The following SLC39A4 variants were observed in gnomAD, a reference collection of about 807,000 sequenced individuals.
SLC39A4 encodes solute carrier family 39 member 4.
A neutral mutation model predicts 56.6 loss-of-function variants in SLC39A4; 49 were observed. The ratio of observed to expected loss-of-function variants is 0.87; its 90% CI spans 0.69 to 1.10. The LOEUF (loss-of-function observed/expected upper bound fraction) is 1.10, where lower values mean the gene tolerates loss of function less well. Ranked by LOEUF, SLC39A4 falls within the 50% of genes least tolerant of loss-of-function variation. The pLI is 0.00. For missense variants in SLC39A4, 993 were observed against 864.2 expected, an observed-to-expected ratio of 1.15 and a Z score of -1.87; for synonymous variants, 540 against 420.4, an observed-to-expected ratio of 1.28 and a Z score of -3.48.
chr8:144,416,776 A>T lies in SLC39A4; in HGVS notation c.14T>A (p.Val5Asp). Residue 5 changes from valine to aspartate, a missense_variant, in exon 1 of 12, where the codon GTC (valine) becomes GAC (aspartate). Transcript: ENST00000301305. MASLVSLELGLLLAV... is the reference protein window; with the variant it reads MASLDSLELGLLLAV... ...CAGAAGCAGCCCCAGCTCCAGCGAG[A>T]CCAGGGACGCCATACTCAGCTCCCA... 6.2e-7 allele frequency: 1 copy of T among 1,612,226 alleles called. No individual in the cohort carries two copies. The highest frequency in any genetic ancestry group is 8.5e-7 in the Non-Finnish European group (1 of 1,179,832).
chr8:144,413,550 C>T lies in SLC39A4; in HGVS notation c.1437G>A (p.Pro479=), dbSNP rs781864988. The change falls in exon 9 of 12, where the codon CCG becomes CCA. Residue 479 remains proline, a synonymous_variant. Coordinates refer to ENST00000301305, the MANE Select transcript of SLC39A4 (RefSeq NM_130849.4). ...SRADLVAEES[P]ELLNPEPRRL... Reference sequence around the variant, plus strand: ...TCCTGGGCTCAGGGTTCAGCAGCTCCGGGCTCTCCTCCGCCACCTGGGAGG... The same window carrying T: ...TCCTGGGCTCAGGGTTCAGCAGCTCTGGGCTCTCCTCCGCCACCTGGGAGG... 9.0e-6 allele frequency: 14 copies of T among 1,554,782 alleles called. No individual in the cohort carries two copies. Among genetic ancestry groups the T allele is most frequent in the Non-Finnish European group, 1.2e-5 (14 of 1,149,242 alleles).
At chr8:144,414,608 G>A (rs1356829272) in intron 5 of SLC39A4, 117 bp downstream of exon 5, 10 of 1,516,162 alleles carry the variant, frequency 6.6e-6, no homozygotes, top group Non-Finnish European at 8.9e-6. Context: ...TGTGTCTGTT[G>A]TTTCTACTTC....
chr8:144,413,023 TACC>T (rs1821957220), intron 10 of SLC39A4, 77 bp from the exon 11 acceptor site: 1 of 1,519,116 alleles, frequency 6.6e-7, no homozygotes, highest in Admixed American at 2.0e-5. Context: ...CCCGCCCTCT[TACC>T]ACCAGGCCCC....
chr8:144,413,126 CA>C (rs1228469752), intron 10 of SLC39A4, 110 bp downstream of exon 10: 1 of 1,499,226 alleles, frequency 6.7e-7, no homozygotes, highest in East Asian at 2.5e-5. Flanking sequence ...TCTCCCCACC[CA>C]GCCAGGTGCG....
At chr8:144,416,410 G>C in intron 1 of SLC39A4, 188 bp downstream of exon 1, 1 of 1,446,032 alleles carries the variant, frequency 6.9e-7, no homozygotes, top group East Asian at 2.5e-5. Context: ...TGTGTCCCTG[G>C]AAAGGCCTGT....
intron 4 of SLC39A4, 27 bp downstream of exon 4, chr8:144,414,947 C>T (rs1308877041): frequency 1.2e-6 from 2 of 1,612,960 alleles, no homozygotes; most frequent in Non-Finnish European, 8.5e-7. Flanking sequence ...CCGGTGAGGC[C>T]CCATCTTACC....
At chr8:144,414,540 C>T in intron 5 of SLC39A4, 106 bp from the exon 6 acceptor site, 5 of 1,519,648 alleles carry the variant, frequency 3.3e-6, no homozygotes, top group Non-Finnish European at 4.4e-6. Context: ...GCCAGGCCCT[C>T]ACTCAGGCTG....
Position 144,416,027 on chromosome 8 carries a change from G to T in SLC39A4, c.257C>A (p.Pro86Gln). The T allele has an allele frequency of 6.3e-7, 1 of 1,578,586 alleles. No individual in the cohort carries two copies. Residue 86 changes from proline to glutamine, a missense_variant, in exon 2 of 12, where the codon CCG becomes CAG. Transcript: ENST00000301305. ...GGCGACGTACCTGGCCTCCAGGACCGGGCCCGGGGGCAGCCCTGACCCCTC... is the reference window on the plus strand; with the variant it reads ...GGCGACGTACCTGGCCTCCAGGACCTGGCCCGGGGGCAGCCCTGACCCCTC... ...EPEGSGLPPG[P>Q]VLEARYVARL...
Position 144,414,362 on chromosome 8 carries a change from C to T in SLC39A4, c.1049G>A (p.Cys350Tyr), listed in dbSNP as rs1822070730. 1.3e-6 allele frequency: 2 copies of T among 1,587,600 alleles called. No individual in the cohort carries two copies. Among genetic ancestry groups the T allele is most frequent in the South Asian group, 1.2e-5 (1 of 86,924 alleles). The change falls in exon 6 of 12, where the codon TGC (cysteine) becomes TAC (tyrosine). Residue 350 changes from cysteine to tyrosine, a missense_variant. Physicochemically the swap from Cys to Tyr is radical, Grantham distance 194. Transcript: ENST00000301305. ...CAVFGLLLLTCTGCRGVTHYI... is the reference protein window; with the variant it reads ...CAVFGLLLLTYTGCRGVTHYI... Reference sequence around the variant, plus strand: ...GTGGGTGACCCCCCTGCAGCCAGTGCAGGTCAGCAGCAGGAGGCCAAAGAC... The same window carrying T: ...GTGGGTGACCCCCCTGCAGCCAGTGTAGGTCAGCAGCAGGAGGCCAAAGAC...
rs782025085 is a variant in SLC39A4 at position 144,412,583 on chromosome 8, G to A, written c.1899C>T (p.Thr633=). 1.9e-6 allele frequency: 3 copies of A among 1,614,176 alleles called. No homozygotes were observed. Among genetic ancestry groups the A allele is most frequent in the Non-Finnish European group, 2.5e-6 (3 of 1,180,032 alleles). Residue 633 remains threonine, a synonymous_variant, in exon 12 of 12, where the codon ACC becomes ACT. Transcript: ENST00000301305. ...LHNVGLLGGW[T]VLLLLSLYED... ...CGTACAGGGACAGCAGCAGCAGGAC[G>A]GTCCAGCCGCCCAGCAGGCCCACGT...
intron 7 of SLC39A4, 35 bp downstream of exon 7, chr8:144,413,923 A>ACC (rs1822028554): frequency 6.2e-7 from 1 of 1,610,144 alleles, no homozygotes; most frequent in African/African-American, 1.3e-5. Flanking sequence ...CCCCCAGCAC[A>ACC]CCCACCCGCC....
rs1822097586 is a variant in SLC39A4 at position 144,414,840 on chromosome 8, C to T, written c.861G>A (p.Gly287=). 4.3e-6 allele frequency: 7 copies of T among 1,613,328 alleles called. No individual in the cohort carries two copies. Among genetic ancestry groups the T allele is most frequent in the Non-Finnish European group, 5.9e-6 (7 of 1,179,968 alleles). ...GTTGGGCCCAGGCCTCCGGGGTCAC[C>T]CCAGCCTGTTCCGACAGTCCATATG... is the stretch of plus-strand genomic sequence containing the variant. ...MAAYGLSEQA[G]VTPEAWAQLS... is the part of the protein sequence containing the mutation. Residue 287 remains glycine, a synonymous_variant, in exon 5 of 12, where the codon GGG becomes GGA. Coordinates refer to ENST00000301305, the MANE Select transcript of SLC39A4 (RefSeq NM_130849.4).
intron 9 of SLC39A4, 46 bp from the exon 10 acceptor site, chr8:144,413,435 G>T: frequency 6.3e-7 from 1 of 1,592,092 alleles, no homozygotes; most frequent in Non-Finnish European, 8.5e-7. Flanking sequence ...GTCGCCTACC[G>T]CCAAGCCTTG....
rs782492453 is a variant in SLC39A4 at position 144,414,954 on chromosome 8, T to TA, written c.804+19dup. On this transcript the variant is annotated intron_variant, in intron 4 of 11. Transcript: ENST00000301305. ...AGCAGACCCCGGTGAGGCCCCATCT[T>TA]ACCCCAGGGCGCAGCTCACCGTGTC... 2 of 1,612,918 alleles carry TA rather than the reference T, an allele frequency of 1.2e-6. No homozygotes were observed. The highest frequency in any genetic ancestry group is 1.7e-6 in the Non-Finnish European group (2 of 1,179,932).
rs781917745 is a variant in SLC39A4 at position 144,414,350 on chromosome 8, C to T, written c.1061G>A (p.Arg354Lys). Residue 354 changes from arginine (R) to lysine (K), a missense_variant, in exon 6 of 12, where the codon AGG (arginine) becomes AAG (lysine). Coordinates refer to ENST00000301305, the MANE Select transcript of SLC39A4 (RefSeq NM_130849.4). ...GLLLLTCTGC[R>K]GVTHYILQTF... ...CTGCAGGATGTAGTGGGTGACCCCC[C>T]TGCAGCCAGTGCAGGTCAGCAGCAG... 1.5e-5 allele frequency: 24 copies of T among 1,592,138 alleles called. No individual in the cohort carries two copies. The highest frequency in any genetic ancestry group is 1.1e-4 in the Admixed American group (6 of 54,804).
chr8:144,413,817 G>T lies in SLC39A4; in HGVS notation c.1352C>A (p.Ser451Tyr), dbSNP rs781983321. 3.6e-5 allele frequency: 57 copies of T among 1,581,392 alleles called. No individual in the cohort carries two copies. Among genetic ancestry groups the T allele is most frequent in the Non-Finnish European group, 4.8e-5 (56 of 1,168,662 alleles). The change falls in exon 8 of 12, where the codon TCC (serine) becomes TAC (tyrosine). Residue 451 changes from serine (S) to tyrosine (Y), a missense_variant. Physicochemically the swap from Ser to Tyr is moderately radical, Grantham distance 144. Coordinates refer to ENST00000301305, the MANE Select transcript of SLC39A4 (RefSeq NM_130849.4). The stretch of plus-strand genomic sequence containing the variant: ...GAGCTCGCTGGGTGCCAGCTGCAGG[G>T]ACACACCGTGGCTGTGGCCCCCGTG... The part of the protein sequence containing the change: ...HSHGGHSHGV[S>Y]LQLAPSELRQ...
rs117535951 is a variant in SLC39A4, at chr8:144,416,033, G to A, written c.251C>T (p.Pro84Leu). The A allele has an allele frequency of 0.034, 53,038 of 1,579,106 alleles. 1,055 individuals are homozygous for A. The highest frequency in any genetic ancestry group is 0.061 in the Middle Eastern group (365 of 5,994). Reference sequence around the variant, plus strand: ...GTACCTGGCCTCCAGGACCGGGCCCGGGGGCAGCCCTGACCCCTCAGGCTC... The same window carrying A: ...GTACCTGGCCTCCAGGACCGGGCCCAGGGGCAGCCCTGACCCCTCAGGCTC... Reference protein sequence around the residue: ...LGEPEGSGLPPGPVLEARYVA... With the variant: ...LGEPEGSGLPLGPVLEARYVA... The change falls in exon 2 of 12, where the codon CCG becomes CTG. Residue 84 changes from proline to leucine, a missense_variant. Coordinates refer to ENST00000301305, the MANE Select transcript of SLC39A4 (RefSeq NM_130849.4).
chr8:144,416,015 G>C lies in SLC39A4; in HGVS notation c.269C>G (p.Ala90Gly). The change falls in exon 2 of 12, where the codon GCC becomes GGC. Residue 90 changes from alanine to glycine, a missense_variant. Ala to Gly is a moderately conservative substitution (Grantham distance 60). Coordinates refer to ENST00000301305, the MANE Select transcript of SLC39A4 (RefSeq NM_130849.4). ...SGLPPGPVLEARYVARLSAAA... is the reference protein window; with the variant it reads ...SGLPPGPVLEGRYVARLSAAA... ...GGCACTGAGGCGGGCGACGTACCTG[G>C]CCTCCAGGACCGGGCCCGGGGGCAG... The C allele has an allele frequency of 3.8e-6, 6 of 1,580,020 alleles. No individual in the cohort carries two copies. Among genetic ancestry groups the C allele is most frequent in the Non-Finnish European group, 5.2e-6 (6 of 1,164,408 alleles).
chr8:144,416,575 G>A, intron 1 of SLC39A4, 23 bp downstream of exon 1: 1 of 1,557,366 alleles, frequency 6.4e-7, no homozygotes, highest in Non-Finnish European at 8.7e-7. Context: ...AGGGCTGGGG[G>A]ACCCGTCGGG....
Sources: gnomAD v4.1 joint callset for allele counts on GRCh38, gnomAD v4.1.1 for gene constraint, MANE v1.5 for transcripts, NCBI Gene and HGNC (gene_info 2026-07-23, HGNC 2026-07-21) for gene names.